Variants in PDE4D observed in about 807,000 individuals in gnomAD.
PDE4D encodes 3',5'-cyclic-AMP phosphodiesterase 4D.
Under a neutral mutation model 87.4 loss-of-function variants are expected in PDE4D, and 24 were observed. The ratio of observed to expected loss-of-function variants is 0.27; its 90% CI spans 0.20 to 0.39. The LOEUF (loss-of-function observed/expected upper bound fraction) is 0.39. PDE4D is among the 10% of genes least tolerant of loss of function. The pLI is 1.00. For missense variants in PDE4D, 714 were observed against 1,041.0 expected (o/e 0.69, Z 4.32); for synonymous variants, 384 against 383.2 (o/e 1.00, Z -0.02).
At chr5:59,891,198 G>C (rs1344185532) in intron 1 of PDE4D, among the ~76,000 whole-genome samples, 6 of 152,092 alleles carry the variant, frequency 3.9e-5, no homozygotes, top group Non-Finnish European at 8.8e-5. Context: ...AGAAAGCATA[G>C]CAAAAAATAA....
intron 1 of PDE4D, among the ~76,000 whole-genome samples, chr5:60,456,867 T>C (rs1746506273): frequency 6.6e-6 from 1 of 152,164 alleles, no homozygotes; most frequent in South Asian, 2.1e-4. Context: ...CAAAACAGTG[T>C]CCTATACCTC....
intron 2 of PDE4D, among the ~76,000 whole-genome samples, chr5:60,106,624 CA>C (rs1776956415): frequency 6.6e-6 from 1 of 151,240 alleles, no homozygotes; most frequent in Non-Finnish European, 1.5e-5. Flanking sequence ...CTCTCCTCAG[CA>C]AATGTAAAAG....
At chr5:59,968,895 A>ATTAT (rs1324190468) in intron 3 of PDE4D, among the ~76,000 whole-genome samples, 4 of 152,080 alleles carry the variant, frequency 2.6e-5, no homozygotes, top group African/African-American at 9.7e-5. Context: ...GTGATAATGT[A>ATTAT]TTATTCTCCA....
chr5:60,019,019 A>G (rs1765784065), intron 2 of PDE4D, among the ~76,000 whole-genome samples: 2 of 152,198 alleles, frequency 1.3e-5, no homozygotes, highest in South Asian at 4.1e-4. Flanking sequence ...ACCCAAAAAC[A>G]ATAGAATATA....
intron 1 of PDE4D, among the ~76,000 whole-genome samples, chr5:59,262,721 G>C (rs1369971329): frequency 6.6e-6 from 1 of 151,890 alleles, no homozygotes; most frequent in African/African-American, 2.4e-5. Context: ...AGCCTGAAGT[G>C]GTGGTCTTAG....
chr5:59,638,071 T>G (rs1409035830), intron 1 of PDE4D, among the ~76,000 whole-genome samples: 1 of 152,198 alleles, frequency 6.6e-6, no homozygotes, highest in Non-Finnish European at 1.5e-5. Flanking sequence ...ATGCCAAATA[T>G]ATTTCATAAT....
intron 1 of PDE4D, among the ~76,000 whole-genome samples, chr5:60,305,038 T>TATACACACACACAC (rs1554202216): frequency 4.4e-5 from 6 of 135,938 alleles, no homozygotes; most frequent in African/African-American, 1.5e-4. Context: ...TTTTGAGCTA[T>TATACACACACACAC]ACACACACAC....
chr5:59,180,633 A>G lies in PDE4D; in HGVS notation c.770T>C (p.Met257Thr). ...TTTGTTGATGGATGGTTGGTTGCAC[A>G]TGGGTGATCTTCTGACAAAGACAGA... Reference protein sequence around the residue: ...QDRAPSKRSPMCNQPSINKAT... With the variant: ...QDRAPSKRSPTCNQPSINKAT... The change falls in exon 5 of 15, where the codon ATG becomes ACG. Residue 257 changes from methionine to threonine, a missense_variant. Transcript: ENST00000340635. 1 of 1,613,290 alleles carries G rather than the reference A, an allele frequency of 6.2e-7. No individual in the cohort carries two copies. Among genetic ancestry groups the G allele is most frequent in the Non-Finnish European group, 8.5e-7 (1 of 1,179,536 alleles).
At chr5:59,197,271 A>T (rs988758638) in intron 2 of PDE4D, among the ~76,000 whole-genome samples, 1 of 152,216 alleles carries the variant, frequency 6.6e-6, no homozygotes, top group African/African-American at 2.4e-5. Flanking sequence ...TACACTTTAC[A>T]ATATTTATGA....
intron 1 of PDE4D, among the ~76,000 whole-genome samples, chr5:59,784,799 G>A (rs1455380938): frequency 6.6e-6 from 1 of 152,174 alleles, no homozygotes; most frequent in Non-Finnish European, 1.5e-5. Flanking sequence ...GAGGGACCTG[G>A]TGGGAGATAA....
At position 58,969,756 on chromosome 5, in the gene PDE4D, G is replaced by A. The variant is rs913549779; in HGVS notation, c.*4908C>T. The A allele has an allele frequency of 1.3e-5, 2 of 152,114 alleles. No individual in the cohort carries two copies. Among genetic ancestry groups the A allele is most frequent in the Non-Finnish European group, 1.5e-5 (1 of 68,026 alleles). The allele number at this position is 152,114 out of a possible 1,614,324, so 9.4% of individuals were successfully genotyped here. On this transcript the variant is annotated 3_prime_UTR_variant, in exon 15 of 15. Coordinates refer to ENST00000340635, the MANE Select transcript of PDE4D (RefSeq NM_001104631.2). ...TAAAACTTTGTAGTTTGCGGAGTAG[G>A]TAACCAAAAATAATTGTCAAGTATC...
At chr5:59,677,985 A>T (rs1748391439) in intron 1 of PDE4D, among the ~76,000 whole-genome samples, 1 of 152,252 alleles carries the variant, frequency 6.6e-6, no homozygotes, top group Admixed American at 6.5e-5. Flanking sequence ...AAGTGCTATT[A>T]AGCACATAAG....
chr5:59,183,465 G>A (rs1455271710), intron 4 of PDE4D, among the ~76,000 whole-genome samples: 1 of 152,138 alleles, frequency 6.6e-6, no homozygotes, highest in Non-Finnish European at 1.5e-5. Flanking sequence ...CTATTTACCT[G>A]CCACAGATTT....
chr5:60,066,648 A>G lies in PDE4D; in HGVS notation c.43-77931T>C, dbSNP rs150830306. On this transcript the variant is annotated intron_variant, in intron 2 of 16. Coordinates refer to the PDE4D transcript ENST00000502484. Reference sequence around the variant, plus strand: ...ATCATCTCAGGAAAATGACCAAGAAAATCTGAACTGAAACAACAGTTTTTC... The same window carrying G: ...ATCATCTCAGGAAAATGACCAAGAAGATCTGAACTGAAACAACAGTTTTTC... Among the ~76,000 whole-genome samples the G allele has an allele frequency of 3.9e-3, 587 of 151,856 alleles. 6 individuals carry two copies. Among genetic ancestry groups the G allele is most frequent in the African/African-American group, 0.013 (549 of 41,444 alleles).
chr5:59,883,041 A>T (rs1423214306), intron 1 of PDE4D, among the ~76,000 whole-genome samples: 1 of 152,122 alleles, frequency 6.6e-6, no homozygotes, highest in East Asian at 1.9e-4. Flanking sequence ...GGCCTCCCAA[A>T]GTGTTGGGAT....
At chr5:59,361,261 T>C (rs887766236) in intron 1 of PDE4D, among the ~76,000 whole-genome samples, 2 of 152,136 alleles carry the variant, frequency 1.3e-5, no homozygotes, top group African/African-American at 4.8e-5. Flanking sequence ...GACTGACAAG[T>C]TCCTAAGAGA....
chr5:60,049,039 A>T (rs1296408686), intron 2 of PDE4D, among the ~76,000 whole-genome samples: 1 of 151,956 alleles, frequency 6.6e-6, no homozygotes, highest in Non-Finnish European at 1.5e-5. Context: ...ACATAGTCCC[A>T]TATTTCTTGG....
At chr5:60,074,772 T>C (rs563485710) in intron 2 of PDE4D, among the ~76,000 whole-genome samples, 76 of 152,338 alleles carry the variant, frequency 5.0e-4, no homozygotes, top group Non-Finnish European at 5.1e-4. Context: ...CTTCTTCATC[T>C]TTTTTGAGCT....
chr5:59,234,156 T>C (rs1326225203), intron 1 of PDE4D, among the ~76,000 whole-genome samples: 1 of 152,236 alleles, frequency 6.6e-6, no homozygotes, highest in African/African-American at 2.4e-5. Flanking sequence ...TCTCCAGCCA[T>C]TAAAATTTCT....
Sources: allele counts gnomAD v4.1 joint callset (sites outside exome capture counted in the v4.1 genomes callset), GRCh38; gene constraint gnomAD v4.1.1; transcripts MANE v1.5; gene names NCBI Gene and HGNC (gene_info 2026-07-23, HGNC 2026-07-21).